Variants in LINGO2 observed in about 807,000 individuals in gnomAD.
The protein encoded by LINGO2 is leucine rich repeat and Ig domain containing 2, also known as leucine-rich repeat and immunoglobulin-like domain-containing nogo receptor-interacting protein 2.
LINGO2 carries 14 observed loss-of-function variants against 30.6 expected under a neutral mutation model. That is an observed-to-expected ratio of 0.46 (90% CI 0.30 to 0.72). The LOEUF (loss-of-function observed/expected upper bound fraction) is 0.72, where lower values mean the gene tolerates loss of function less well. LINGO2 is among the 30% of genes least tolerant of loss of function. The probability of loss-of-function intolerance (pLI) is 0.07; values close to 1 mark genes in which losing one functional copy is unlikely to be tolerated. For missense variants in LINGO2, 729 were observed against 751.7 expected, an observed-to-expected ratio of 0.97 and a Z score of 0.35; for synonymous variants, 317 against 288.5, an observed-to-expected ratio of 1.10 and a Z score of -1.00.
chr9:28,383,573 G>C (rs954556914), intron 2 of LINGO2, among the ~76,000 whole-genome samples: 2 of 151,970 alleles, frequency 1.3e-5, no homozygotes, highest in African/African-American at 4.8e-5. Context: ...AACTCACAGT[G>C]CACGAAGCCA....
intron 5 of LINGO2, among the ~76,000 whole-genome samples, chr9:27,995,187 C>A (rs1043714826): frequency 1.3e-5 from 2 of 151,880 alleles, no homozygotes; most frequent in African/African-American, 4.8e-5. Flanking sequence ...AAGATTGAAC[C>A]ATAAAGAAAT....
intron 2 of LINGO2, among the ~76,000 whole-genome samples, chr9:28,454,532 A>T (rs1824769838): frequency 6.6e-6 from 1 of 152,054 alleles, no homozygotes; most frequent in Non-Finnish European, 1.5e-5. Flanking sequence ...AGTAAGTCTC[A>T]AATGTTGCAT....
In LINGO2 at chr9:28,637,297, C is replaced by A. The variant is rs139069960; in HGVS notation, c.-365+32903G>T. ...TTCTTTTGGCTTAGGATTGACTTGG[C>A]GATGCGGGCTCTTTTTTGGTTGCAT... On this transcript the variant is annotated intron_variant, in intron 1 of 5. Transcript: ENST00000379992. Among the ~76,000 whole-genome samples the A allele has an allele frequency of 9.6e-3, 1,465 of 152,136 alleles. 30 individuals are homozygous for A. The highest frequency in any genetic ancestry group is 0.037 in the East Asian group (189 of 5,174).
At chr9:28,783,461 TA>T in the LINGO2 span, among the ~76,000 whole-genome samples, 194 of 152,278 alleles carry the variant, frequency 1.3e-3, no homozygotes, top group African/African-American at 4.5e-3. Context: ...ATTTTTAAAA[TA>T]TTTTCAACCT....
intron 4 of LINGO2, among the ~76,000 whole-genome samples, chr9:28,245,859 CA>C (rs1190824409): frequency 1.3e-5 from 2 of 152,058 alleles, no homozygotes; most frequent in Admixed American, 6.6e-5. Context: ...ATGAAATGGC[CA>C]TACTGCTCAA....
the LINGO2 span, among the ~76,000 whole-genome samples, chr9:28,789,932 A>T: frequency 1.3e-5 from 2 of 152,182 alleles, no homozygotes; most frequent in Admixed American, 1.3e-4. Context: ...TACTAGAATA[A>T]TTTAAAAATA....
chr9:28,331,168 G>C (rs1334122063), intron 3 of LINGO2, among the ~76,000 whole-genome samples: 2 of 151,908 alleles, frequency 1.3e-5, no homozygotes, highest in Non-Finnish European at 2.9e-5. Context: ...GAGGGGTAAA[G>C]AAAACCCATA....
chr9:28,429,150 T>A (rs192561156), intron 2 of LINGO2, among the ~76,000 whole-genome samples: 2 of 152,210 alleles, frequency 1.3e-5, no homozygotes, highest in African/African-American at 4.8e-5. Context: ...CTTAGCACAT[T>A]TATCTGTTTA....
At chr9:27,973,624 G>A (rs1343042814) in intron 5 of LINGO2, among the ~76,000 whole-genome samples, 29 of 152,176 alleles carry the variant, frequency 1.9e-4, no homozygotes, top group Admixed American at 1.9e-3. Context: ...GAGAGTCACT[G>A]GATGAGATGG....
chr9:28,417,309 T>C (rs2134854871), intron 2 of LINGO2, among the ~76,000 whole-genome samples: 1 of 152,314 alleles, frequency 6.6e-6, no homozygotes. Context: ...AAAGACATTA[T>C]GAAAGCCAAC....
chr9:28,945,189 C>T, the LINGO2 span, among the ~76,000 whole-genome samples: 1 of 152,050 alleles, frequency 6.6e-6, no homozygotes, highest in Non-Finnish European at 1.5e-5. Flanking sequence ...CCAGTATTTC[C>T]TATAAATCTA....
chr9:29,152,972 A>T, the LINGO2 span, among the ~76,000 whole-genome samples: 1 of 152,164 alleles, frequency 6.6e-6, no homozygotes. Flanking sequence ...GACTTAATAC[A>T]AGTTATTTTC....
chr9:28,316,760 G>A (rs536299768), intron 3 of LINGO2, among the ~76,000 whole-genome samples: 6 of 152,234 alleles, frequency 3.9e-5, no homozygotes, highest in Admixed American at 3.3e-4. Context: ...GATTATAGAA[G>A]AGGGTTTAAT....
chr9:28,947,421 T>C, the LINGO2 span, among the ~76,000 whole-genome samples: 5 of 152,052 alleles, frequency 3.3e-5, no homozygotes, highest in South Asian at 2.1e-4. Flanking sequence ...GAACTTCTGT[T>C]TCTGCATCTT....
upstream of LINGO2, among the ~76,000 whole-genome samples, chr9:28,672,947 T>G (rs1447117973): frequency 2.0e-5 from 3 of 152,048 alleles, no homozygotes; most frequent in African/African-American, 7.2e-5. Flanking sequence ...GTTGGTGAAG[T>G]AAAGAGTATG....
Position 28,117,420 on chromosome 9 carries a change from G to C in LINGO2, c.-86-105015C>G, listed in dbSNP as rs1243124054. Among the ~76,000 whole-genome samples the C allele has an allele frequency of 7.1e-5, 8 of 113,338 alleles. No homozygotes were observed. The South Asian group carries it at 2.8e-3, about 40-fold the overall frequency. The allele number at this position is 113,338 out of a possible 152,430, so 74.4% of individuals were successfully genotyped here. The stretch of plus-strand genomic sequence containing the variant: ...CCTACAGAGGCAGGCAGGCCTCCTT[G>C]AGCTGTGGTGGGCTCCACCCAGTTC... On this transcript the variant is annotated intron_variant, in intron 4 of 5. Transcript: ENST00000379992.
chr9:28,340,788 C>T (rs1477027856), intron 3 of LINGO2, among the ~76,000 whole-genome samples: 1 of 151,918 alleles, frequency 6.6e-6, no homozygotes, highest in Non-Finnish European at 1.5e-5. Flanking sequence ...ATAGAAAATA[C>T]GTAAAACTGT....
chr9:28,566,272 A>G (rs1823377542), intron 1 of LINGO2, among the ~76,000 whole-genome samples: 1 of 152,174 alleles, frequency 6.6e-6, no homozygotes, highest in Non-Finnish European at 1.5e-5. Context: ...TGTCTACCAG[A>G]ATGGCACCAT....
intron 2 of LINGO2, among the ~76,000 whole-genome samples, chr9:28,468,981 G>A (rs116695669): frequency 8.8e-4 from 134 of 152,088 alleles, no homozygotes; most frequent in African/African-American, 3.0e-3. Flanking sequence ...ACACACATCA[G>A]CCTCACTAGA....
Sources: allele counts gnomAD v4.1 joint callset (sites outside exome capture counted in the v4.1 genomes callset), GRCh38; gene constraint gnomAD v4.1.1; transcripts MANE v1.5; gene names NCBI Gene and HGNC (gene_info 2026-07-23, HGNC 2026-07-21).